ATP11C: variants seen among roughly 807,000 people sequenced by gnomAD.
ATP11C encodes phospholipid-transporting ATPase IG.
A neutral mutation model predicts 97.4 loss-of-function variants in ATP11C; 36 were observed. The observed-to-expected ratio is 0.37, with a 90% CI of 0.28 to 0.49. The LOEUF is 0.49. ATP11C is among the 20% of genes least tolerant of loss of function. The pLI, the probability that ATP11C is intolerant of heterozygous loss-of-function variation, is 0.98. For synonymous variants in ATP11C, 275 were observed against 290.9 expected, an observed-to-expected ratio of 0.95 and a Z score of 0.56; for missense variants, 730 against 824.6, an observed-to-expected ratio of 0.89 and a Z score of 1.40.
intron 25 of ATP11C, among the ~76,000 whole-genome samples, chrX:139,744,370 G>A (rs1012147463): frequency 2.7e-5 from 3 of 112,125 alleles, no homozygotes; most frequent in Non-Finnish European, 5.6e-5. Flanking sequence ...CAAACATTTA[G>A]AGGGATGGTG....
intron 1 of ATP11C, among the ~76,000 whole-genome samples, chrX:139,898,782 G>T (rs2148097747): frequency 8.9e-6 from 1 of 112,009 alleles, no homozygotes; most frequent in African/African-American, 3.2e-5. Flanking sequence ...CACTCAGCAA[G>T]AAATGATATT....
At chrX:139,852,220 T>C (rs1341217745) in intron 1 of ATP11C, among the ~76,000 whole-genome samples, 1 of 110,383 alleles carries the variant, frequency 9.1e-6, no homozygotes, top group Non-Finnish European at 1.9e-5. Context: ...CACCCTTCTA[T>C]ACAGAAGTAC....
At chrX:139,866,076 T>C in intron 1 of ATP11C, among the ~76,000 whole-genome samples, 1 of 111,035 alleles carries the variant, frequency 9.0e-6, no homozygotes, top group East Asian at 2.9e-4. Flanking sequence ...CCAAGCGCGG[T>C]GGCACATGCC....
In ATP11C at chrX:139,816,180, T is replaced by G. The variant is rs777227425; in HGVS notation, c.318+683A>C. On this transcript the variant is annotated intron_variant, in intron 4 of 29. Coordinates refer to ENST00000682941, the MANE Select transcript of ATP11C (RefSeq NM_001353812.2). ...AGAAGACCTTTGTTTTGCAAGCTTC[T>G]TTGGTACCCTTTTTAAAAGCACTTT... Among the ~76,000 whole-genome samples the G allele has an allele frequency of 2.7e-4, 30 of 111,950 alleles. 1 individual carries two copies. In the Middle Eastern group the frequency reaches 0.024, roughly 89 times the overall value.
intron 14 of ATP11C, 74 bp downstream of exon 14, chrX:139,788,118 C>T (rs942240458): frequency 3.4e-5 from 33 of 984,573 alleles, no homozygotes; most frequent in South Asian, 5.1e-5. Flanking sequence ...CTGAAGCAAA[C>T]GGAAAAAAAC....
intron 1 of ATP11C, among the ~76,000 whole-genome samples, chrX:139,860,632 A>G: frequency 9.0e-6 from 1 of 111,313 alleles, no homozygotes; most frequent in East Asian, 2.8e-4. Flanking sequence ...AGCCTGGCCA[A>G]CATGGTGAAA....
intron 1 of ATP11C, among the ~76,000 whole-genome samples, chrX:139,919,000 G>A (rs2085204455): frequency 8.9e-6 from 1 of 111,784 alleles, no homozygotes; most frequent in South Asian, 3.7e-4. Flanking sequence ...CAGCACTTTG[G>A]GAGGCTGAGG....
chrX:139,905,367 G>C (rs766202734), intron 1 of ATP11C, among the ~76,000 whole-genome samples: 1 of 112,154 alleles, frequency 8.9e-6, no homozygotes, highest in Non-Finnish European at 1.9e-5. Flanking sequence ...ATTTGTGGAA[G>C]CAGACTGACA....
chrX:139,851,669 A>G (rs1006441788), intron 1 of ATP11C, among the ~76,000 whole-genome samples: 1 of 111,991 alleles, frequency 8.9e-6, no homozygotes, highest in East Asian at 2.8e-4. Context: ...ACTGAACCCA[A>G]CAAAGCCATA....
intron 19 of ATP11C, among the ~76,000 whole-genome samples, chrX:139,772,952 T>C (rs1370656955): frequency 9.0e-6 from 1 of 110,521 alleles, no homozygotes; most frequent in Non-Finnish European, 1.9e-5. Context: ...ACATGAGATT[T>C]AGAGGGGCCA....
At chrX:139,732,288 C>T (rs1206694160) in intron 28 of ATP11C, 1 of 205,561 alleles carries the variant, frequency 4.9e-6, no homozygotes, top group Non-Finnish European at 9.3e-6. Flanking sequence ...AAGGTGAACA[C>T]ATGATTAAAA....
Position 139,795,602 on chromosome X carries a change from A to G in ATP11C, c.1206+671T>C, listed in dbSNP as rs779924221. On this transcript the variant is annotated intron_variant, in intron 12 of 29. Coordinates refer to ENST00000682941, the MANE Select transcript of ATP11C (RefSeq NM_001353812.2). ...CATGACACAGAGTAAAATAAAAAAA[A>G]GGGGAAAACTTTCTCGATACTATTA... 8.0e-5 allele frequency among the ~76,000 whole-genome samples: 9 copies of G among 112,021 alleles called. No homozygotes were observed. In the South Asian group the frequency reaches 2.3e-3, roughly 28 times the overall value.
intron 13 of ATP11C, among the ~76,000 whole-genome samples, chrX:139,788,737 T>C (rs2082629245): frequency 8.9e-6 from 1 of 112,270 alleles, no homozygotes; most frequent in South Asian, 3.7e-4. Context: ...ACAGACATCA[T>C]TCTTGGAGGA....
chrX:139,931,983 C>T lies in ATP11C; in HGVS notation c.27+33G>A, dbSNP rs1404999501. 23 of 1,150,088 alleles carry T rather than the reference C, an allele frequency of 2.0e-5. No individual in the cohort carries two copies. The South Asian group carries it at 3.0e-4, about 15-fold the overall frequency. The allele number at this position is 1,150,088 out of a possible 1,213,427, so 94.8% of individuals were successfully genotyped here. ...CGAAGGGGCTGGCGAGCAAGCAAAC[C>T]GGCACGCGCGGAGCCGCAGCGAGTG... On this transcript the variant is annotated intron_variant, in intron 1 of 29. Transcript: ENST00000682941.
intron 1 of ATP11C, among the ~76,000 whole-genome samples, chrX:139,834,337 C>T (rs2083714366): frequency 1.8e-5 from 2 of 111,257 alleles, no homozygotes; most frequent in Admixed American, 9.5e-5. Flanking sequence ...GATCTGACAT[C>T]CTGACAGTAA....
chrX:139,797,288 A>G lies in ATP11C; in HGVS notation c.896T>C (p.Leu299Ser). The G allele has an allele frequency of 8.5e-7, 1 of 1,180,484 alleles. No homozygotes were observed. Among genetic ancestry groups the G allele is most frequent in the Non-Finnish European group, 1.1e-6 (1 of 874,228 alleles). ...NAFLIVYLFI[L>S]LTKAAVCTTL... ...AGTGCATACTGCAGCTTTGGTCAGTAAGATAAATAAATATACAATCAGGAA... is the reference window on the plus strand; with the variant it reads ...AGTGCATACTGCAGCTTTGGTCAGTGAGATAAATAAATATACAATCAGGAA... The change falls in exon 11 of 30, where the codon TTA (leucine) becomes TCA (serine). Residue 299 changes from leucine (L) to serine (S), a missense_variant. Coordinates refer to ENST00000682941, the MANE Select transcript of ATP11C (RefSeq NM_001353812.2).
At chrX:139,797,607 C>T (rs748923077) in intron 10 of ATP11C, among the ~76,000 whole-genome samples, 1 of 111,606 alleles carries the variant, frequency 9.0e-6, no homozygotes, top group East Asian at 2.8e-4. Flanking sequence ...GAGAGGTACA[C>T]ACATGCACAC....
At chrX:139,733,559 T>C (rs1245209619) in intron 28 of ATP11C, among the ~76,000 whole-genome samples, 1 of 112,373 alleles carries the variant, frequency 8.9e-6, no homozygotes, top group Non-Finnish European at 1.9e-5. Flanking sequence ...ATGAAGAAAG[T>C]TGGTGGAATG....
intron 20 of ATP11C, among the ~76,000 whole-genome samples, chrX:139,767,440 A>G (rs934732808): frequency 4.5e-5 from 5 of 111,686 alleles, no homozygotes; most frequent in Non-Finnish European, 9.4e-5. Flanking sequence ...AGACATAGGG[A>G]GCAAGAGAAA....
Sources: allele counts gnomAD v4.1 joint callset (sites outside exome capture counted in the v4.1 genomes callset), GRCh38; gene constraint gnomAD v4.1.1; transcripts MANE v1.5; gene names NCBI Gene and HGNC (gene_info 2026-07-23, HGNC 2026-07-21).